Variants in PKP2 observed in about 807,000 individuals in gnomAD.
PKP2 encodes the protein plakophilin-2.
In PKP2, 73 loss-of-function variants were observed where a neutral mutation model predicts 83.4. That is an observed-to-expected ratio of 0.88 (90% confidence interval 0.72 to 1.06). The LOEUF is 1.06. PKP2 is among the 50% of genes least tolerant of loss of function. The probability of loss-of-function intolerance (pLI) is 0.00; values close to 1 mark genes in which losing one functional copy is unlikely to be tolerated. For missense variants in PKP2, 966 were observed against 1,065.4 expected, an observed-to-expected ratio of 0.91 and a Z score of 1.30; for synonymous variants, 409 against 430.4, an observed-to-expected ratio of 0.95 and a Z score of 0.62.
chr12:32,878,200 C>T lies in PKP2; in HGVS notation c.680G>A (p.Ser227Asn). The T allele has an allele frequency of 6.2e-7, 1 of 1,614,174 alleles. No homozygotes were observed. The change falls in exon 3 of 13, where the codon AGC (serine) becomes AAC (asparagine). Residue 227 changes from serine to asparagine, a missense_variant. Coordinates refer to ENST00000340811, the MANE Select transcript of PKP2 (RefSeq NM_001005242.3). ...YHRQYQHGSV[S>N]DTVFDSIPAN... The stretch of plus-strand genomic sequence containing the variant: ...AGGGATGCTGTCAAAAACGGTGTCG[C>T]TAACAGAGCCATGCTGGTACTGTCT...
At chr12:32,870,714 A>G (rs1956888666) in intron 3 of PKP2, among the ~76,000 whole-genome samples, 1 of 152,182 alleles carries the variant, frequency 6.6e-6, no homozygotes. Flanking sequence ...TTTGCCAGCC[A>G]TCACGGTTGT....
At chr12:32,878,697 T>A (rs1380452635) in intron 2 of PKP2, among the ~76,000 whole-genome samples, 154 bp from the exon 3 acceptor site, 1 of 152,168 alleles carries the variant, frequency 6.6e-6, no homozygotes, top group Non-Finnish European at 1.5e-5. Context: ...TTTTTGAAAA[T>A]AAGACTTGGT....
chr12:32,836,562 T>G (rs947462526), intron 6 of PKP2, among the ~76,000 whole-genome samples: 13 of 152,222 alleles, frequency 8.5e-5, no homozygotes, highest in Non-Finnish European at 1.9e-4. Flanking sequence ...AGTTCACTGT[T>G]GTATGCACAA....
At chr12:32,806,679 G>T (rs1956228516) in intron 9 of PKP2, among the ~76,000 whole-genome samples, 1 of 117,508 alleles carries the variant, frequency 8.5e-6, no homozygotes, top group South Asian at 3.3e-4. Context: ...TTGATTTTTT[G>T]AAGGGTTTGT....
intron 6 of PKP2, among the ~76,000 whole-genome samples, chr12:32,840,428 G>A (rs1374333920): frequency 6.6e-6 from 1 of 152,016 alleles, no homozygotes; most frequent in Non-Finnish European, 1.5e-5. Context: ...CTCCTGAGTA[G>A]GTGGGACTAC....
Position 32,887,028 on chromosome 12 carries a change from A to G in PKP2, c.224-7996T>C, listed in dbSNP as rs532400523. Among the ~76,000 whole-genome samples the G allele has an allele frequency of 6.6e-5, 10 of 150,666 alleles. No individual in the cohort carries two copies. In the South Asian group the frequency reaches 2.1e-3, roughly 31 times the overall value. Reference sequence around the variant, plus strand: ...AAAGGAAAAAAAAAAAGGGAACACTATGGTGAAAAATTGTTTCAAAGCAGA... The same window carrying G: ...AAAGGAAAAAAAAAAAGGGAACACTGTGGTGAAAAATTGTTTCAAAGCAGA... On this transcript the variant is annotated intron_variant, in intron 1 of 12. Transcript: ENST00000340811.
chr12:32,819,361 T>G (rs2137766525), intron 9 of PKP2, among the ~76,000 whole-genome samples: 1 of 151,240 alleles, frequency 6.6e-6, no homozygotes, highest in East Asian at 1.9e-4. Context: ...GGGCTTCATA[T>G]TTGTCCCATG....
rs1397587010 is a variant in PKP2 at position 32,896,588 on chromosome 12, G to A, written c.144C>T (p.Gly48=). 1.9e-6 allele frequency: 3 copies of A among 1,586,128 alleles called. No individual in the cohort carries two copies. Among genetic ancestry groups the A allele is most frequent in the Admixed American group, 3.4e-5 (2 of 58,848 alleles). The part of the protein sequence containing the change: ...LKLAGSSGRG[G]QTVKSLRIQE... ...GGATCCGCAGGCTCTTGACTGTCTG[G>A]CCGCCGCGGCCGCTGCTCCCCGCCA... Residue 48 remains glycine (G), a synonymous_variant, in exon 1 of 13, where the codon GGC becomes GGT. Coordinates refer to ENST00000340811, the MANE Select transcript of PKP2 (RefSeq NM_001005242.3).
intron 6 of PKP2, among the ~76,000 whole-genome samples, chr12:32,832,103 C>T (rs1956505217): frequency 6.6e-6 from 1 of 152,044 alleles, no homozygotes; most frequent in Admixed American, 6.6e-5. Flanking sequence ...AAAAAGCTGG[C>T]CAGGCGGGGT....
At chr12:32,814,109 C>T (rs981659234) in intron 9 of PKP2, among the ~76,000 whole-genome samples, 1 of 152,128 alleles carries the variant, frequency 6.6e-6, no homozygotes, top group African/African-American at 2.4e-5. Context: ...TTCCCAGTTG[C>T]GCTTCTACAC....
At chr12:32,795,003 TA>T (rs1202567515) in intron 11 of PKP2, among the ~76,000 whole-genome samples, 1 of 152,238 alleles carries the variant, frequency 6.6e-6, no homozygotes, top group Non-Finnish European at 1.5e-5. Context: ...TCATTAAAAC[TA>T]GGCTATCATA....
At chr12:32,796,024 G>C (rs1379943396) in intron 11 of PKP2, 85 bp downstream of exon 11, 2 of 1,170,996 alleles carry the variant, frequency 1.7e-6, no homozygotes, top group Non-Finnish European at 2.6e-6. Flanking sequence ...TGATGGTCAT[G>C]ACCGCACATT....
chr12:32,825,886 C>T (rs1490426067), intron 6 of PKP2, among the ~76,000 whole-genome samples: 1 of 149,602 alleles, frequency 6.7e-6, no homozygotes, highest in African/African-American at 2.5e-5. Context: ...AGAGTAAGAC[C>T]CTGTCTAAAA....
In PKP2 at chr12:32,795,657, AG is replaced by A. The variant is rs1279833983; in HGVS notation, c.2357+451del. Among the ~76,000 whole-genome samples the A allele has an allele frequency of 5.9e-5, 9 of 152,326 alleles. No individual in the cohort carries two copies. In the South Asian group the frequency reaches 1.5e-3, roughly 25 times the overall value. ...GGGCCTCCCAAAGTGCTGGGATTAC[AG>A]GCATGAGCCACTGTGCCCAGCCCAT... On this transcript the variant is annotated intron_variant, in intron 11 of 12. Transcript: ENST00000340811.
chr12:32,841,682 A>G (rs1282315654), intron 5 of PKP2, among the ~76,000 whole-genome samples: 2 of 152,164 alleles, frequency 1.3e-5, no homozygotes, highest in African/African-American at 4.8e-5. Flanking sequence ...ACTAACTGTA[A>G]CTTTCACCTG....
chr12:32,819,412 A>T (rs1316045204), intron 9 of PKP2, among the ~76,000 whole-genome samples: 1 of 152,208 alleles, frequency 6.6e-6, no homozygotes, highest in Non-Finnish European at 1.5e-5. Flanking sequence ...ATCAAGTCCA[A>T]TTCTAACAAC....
chr12:32,860,198 A>G (rs1350884013), intron 4 of PKP2, among the ~76,000 whole-genome samples: 1 of 152,200 alleles, frequency 6.6e-6, no homozygotes, highest in Non-Finnish European at 1.5e-5. Context: ...AGAGTTTGAG[A>G]AGACCAAAGG....
intron 4 of PKP2, among the ~76,000 whole-genome samples, chr12:32,858,590 G>C (rs1956775097): frequency 6.6e-6 from 1 of 151,964 alleles, no homozygotes; most frequent in Admixed American, 6.6e-5. Flanking sequence ...TATAGACATC[G>C]AGATGAAAAA....
intron 3 of PKP2, 138 bp downstream of exon 3, chr12:32,877,708 C>A (rs144608603): frequency 2.7e-6 from 2 of 741,370 alleles, no homozygotes; most frequent in African/African-American, 1.7e-5. Flanking sequence ...TAGGCAGCTG[C>A]CTGAAAAGTC....
Sources: allele counts gnomAD v4.1 joint callset (sites outside exome capture counted in the v4.1 genomes callset), GRCh38; gene constraint gnomAD v4.1.1; transcripts MANE v1.5; gene names NCBI Gene and HGNC (gene_info 2026-07-23, HGNC 2026-07-21).